Variants in HNRNPLL observed in about 807,000 individuals in gnomAD.
The protein encoded by HNRNPLL is heterogeneous nuclear ribonucleoprotein L like.
HNRNPLL carries 25 observed loss-of-function variants against 67.1 expected under a neutral mutation model. The ratio of observed to expected loss-of-function variants is 0.37; its 90% confidence interval spans 0.27 to 0.52. The LOEUF is 0.52. Ranked by LOEUF, HNRNPLL falls within the 20% of genes least tolerant of loss-of-function variation. HNRNPLL has a pLI of 0.90. For synonymous variants in HNRNPLL, 267 were observed against 241.7 expected, an observed-to-expected ratio of 1.10 and a Z score of -0.97; for missense variants, 542 against 673.9, an observed-to-expected ratio of 0.80 and a Z score of 2.17.
chr2:38,566,135 G>A (rs1239890802), intron 12 of HNRNPLL: 5 of 962,424 alleles, frequency 5.2e-6, no homozygotes, highest in Non-Finnish European at 6.2e-6. Flanking sequence ...TCGGAAGGCG[G>A]AGGTGGGCAG....
At chr2:38,571,445 G>A (rs1467290029) in intron 8 of HNRNPLL, among the ~76,000 whole-genome samples, 4 of 152,070 alleles carry the variant, frequency 2.6e-5, no homozygotes, top group African/African-American at 7.2e-5. Flanking sequence ...ATCTATTGAC[G>A]TCTAAAGAAT....
In HNRNPLL at chr2:38,563,710, A is replaced by G. The variant is rs1348183923; in HGVS notation, c.*472T>C. 6.5e-6 allele frequency: 1 copy of G among 153,764 alleles called. No individual in the cohort carries two copies. The highest frequency in any genetic ancestry group is 6.5e-5 in the Admixed American group (1 of 15,348). 9.5% of individuals were successfully genotyped at this position (153,764 alleles called of 1,614,324 possible). On this transcript the variant is annotated 3_prime_UTR_variant, in exon 13 of 13. Transcript: ENST00000449105. ...CTTAAAATTCAACATATGTAACGTT[A>G]TTCTCAAACTTCATTAAAATAATAA...
intron 1 of HNRNPLL, chr2:38,602,164 C>A (rs1667466226): frequency 4.9e-6 from 2 of 406,004 alleles, no homozygotes; most frequent in Non-Finnish European, 8.8e-6. Flanking sequence ...GACGCCTCCC[C>A]GCCGCCGCCG....
intron 8 of HNRNPLL, among the ~76,000 whole-genome samples, chr2:38,572,831 C>T (rs1666145499): frequency 1.3e-5 from 2 of 151,886 alleles, no homozygotes; most frequent in African/African-American, 4.8e-5. Flanking sequence ...TCTGGCTAGG[C>T]TCCGAAGCTT....
intron 12 of HNRNPLL, among the ~76,000 whole-genome samples, chr2:38,565,008 AC>A (rs67368941): frequency 0.065 from 9,845 of 150,846 alleles, 328 homozygotes; most frequent in East Asian, 0.086. Context: ...AAAAAAAAAA[AC>A]AAACCAACTG....
chr2:38,580,344 T>G (rs1269001673), intron 6 of HNRNPLL, among the ~76,000 whole-genome samples: 1 of 152,212 alleles, frequency 6.6e-6, no homozygotes, highest in Non-Finnish European at 1.5e-5. Context: ...TAGCCAAAGC[T>G]GCATTACAAA....
At chr2:38,580,177 C>T (rs930566801) in intron 6 of HNRNPLL, among the ~76,000 whole-genome samples, 4 of 151,978 alleles carry the variant, frequency 2.6e-5, no homozygotes, top group East Asian at 1.9e-4. Flanking sequence ...AAAACAAAAC[C>T]GAGTGGTCAA....
In HNRNPLL at chr2:38,563,800, ATTCTAT is replaced by A. The variant is rs1487271438; in HGVS notation, c.*376_*381del. 6.3e-6 allele frequency: 1 copy of A among 159,040 alleles called. No individual in the cohort carries two copies. Among genetic ancestry groups the A allele is most frequent in the Non-Finnish European group, 1.4e-5 (1 of 72,748 alleles). The allele number at this position is 159,040 out of a possible 1,614,324, so 9.9% of individuals were successfully genotyped here. ...TTAAACATCTAAACATATAATAGGA[ATTCTAT>A]ATTAAAATGCAATACTTTCACCTGC... On this transcript the variant is annotated 3_prime_UTR_variant, in exon 13 of 13. Transcript: ENST00000449105.
intron 6 of HNRNPLL, among the ~76,000 whole-genome samples, chr2:38,578,353 ACCT>A (rs1373258692): frequency 1.3e-5 from 2 of 151,958 alleles, no homozygotes; most frequent in African/African-American, 4.8e-5. Context: ...CTAAAATAGC[ACCT>A]CCTATGTTAG....
At chr2:38,581,839 G>A (rs1240835015) in intron 6 of HNRNPLL, 74 bp downstream of exon 6, 2 of 965,246 alleles carry the variant, frequency 2.1e-6, no homozygotes, top group African/African-American at 3.2e-5. Context: ...GCTCATCTCA[G>A]GAAAAAAGAA....
In HNRNPLL at chr2:38,568,369, A is replaced by C; in HGVS notation, c.1474+17T>G. 6.2e-7 allele frequency: 1 copy of C among 1,608,202 alleles called. No homozygotes were observed. The highest frequency in any genetic ancestry group is 2.2e-5 in the East Asian group (1 of 44,808). On this transcript the variant is annotated intron_variant, in intron 11 of 12. Transcript: ENST00000449105. ...CAACTTAACCAGAAAGCTTTAAAAGAGGGACTGTTCACTTACGTTTTGCAT... is the reference window on the plus strand; with the variant it reads ...CAACTTAACCAGAAAGCTTTAAAAGCGGGACTGTTCACTTACGTTTTGCAT...
Position 38,569,853 on chromosome 2 carries a change from C to T in HNRNPLL, c.1165G>A (p.Val389Ile). The stretch of plus-strand genomic sequence containing the variant: ...AATTTGACATTATTAAGGTGTGTGA[C>T]AGCTCTTTCTACAGCATACTCATCA... The part of the protein sequence containing the change: ...MGDEYAVERA[V>I]THLNNVKLFG... Residue 389 changes from valine to isoleucine, a missense_variant, in exon 9 of 13, where the codon GTC becomes ATC. Physicochemically the swap from Val to Ile is conservative, Grantham distance 29 (BLOSUM62 3). Around this residue, in one of 2 missense-constraint regions of HNRNPLL, gnomAD observed 415 missense variants for 575.2 expected, o/e 0.72. Transcript: ENST00000449105. 6.5e-7 allele frequency: 1 copy of T among 1,535,922 alleles called. No homozygotes were observed. Among genetic ancestry groups the T allele is most frequent in the African/African-American group, 1.4e-5 (1 of 73,396 alleles).
intron 12 of HNRNPLL, among the ~76,000 whole-genome samples, chr2:38,567,222 C>T (rs1254363805): frequency 6.6e-6 from 1 of 152,194 alleles, no homozygotes; most frequent in African/African-American, 2.4e-5. Context: ...CCTGCCTCAG[C>T]CTCCCAAGTA....
chr2:38,567,254 C>T (rs1462179397), intron 12 of HNRNPLL, among the ~76,000 whole-genome samples: 1 of 151,950 alleles, frequency 6.6e-6, no homozygotes, highest in Non-Finnish European at 1.5e-5. Flanking sequence ...AAGTGTGTGC[C>T]ACCACGCCAG....
intron 12 of HNRNPLL, among the ~76,000 whole-genome samples, chr2:38,567,049 T>C (rs1038742969): frequency 7.9e-5 from 12 of 152,006 alleles, no homozygotes; most frequent in African/African-American, 1.2e-4. Flanking sequence ...CTCCAAGATA[T>C]AGTAAGTGAA....
Position 38,602,297 on chromosome 2 carries a change from C to G in HNRNPLL, c.189+141G>C, listed in dbSNP as rs1253789979. The G allele has an allele frequency of 5.3e-6, 4 of 761,362 alleles. No individual in the cohort carries two copies. In the Admixed American group the frequency reaches 9.5e-5, roughly 18 times the overall value. The allele number at this position is 761,362 out of a possible 1,614,324, so 47.2% of individuals were successfully genotyped here. On this transcript the variant is annotated intron_variant, in intron 1 of 12. Transcript: ENST00000449105. ...ACAGGTAGAGGCCAGAATACGAGCC[C>G]CAAAGAGAAGAGTGGGCGCTTCCCC...
At chr2:38,582,920 C>T (rs1666591024) in intron 4 of HNRNPLL, among the ~76,000 whole-genome samples, 1 of 151,676 alleles carries the variant, frequency 6.6e-6, no homozygotes, top group East Asian at 1.9e-4. Context: ...CATAATACAA[C>T]CGAACTATCT....
Position 38,573,369 on chromosome 2 carries a change from T to C in HNRNPLL, c.933A>G (p.Thr311=). ...PSRYRMGSRD[T]PELVAYPLPQ... Reference sequence around the variant, plus strand: ...GTAATGGATAAGCAACAAGTTCAGGTGTATCTCGAGAGCCCATTCTGTAAC... The same window carrying C: ...GTAATGGATAAGCAACAAGTTCAGGCGTATCTCGAGAGCCCATTCTGTAAC... The change falls in exon 8 of 13, where the codon ACA becomes ACG. Residue 311 remains threonine, a synonymous_variant. Coordinates refer to ENST00000449105, the MANE Select transcript of HNRNPLL (RefSeq NM_138394.4). 6.2e-7 allele frequency: 1 copy of C among 1,612,572 alleles called. No individual in the cohort carries two copies. The highest frequency in any genetic ancestry group is 8.5e-7 in the Non-Finnish European group (1 of 1,179,146).
Position 38,568,178 on chromosome 2 carries a change from CAAAT to C in HNRNPLL, c.1573+17_1573+20del, listed in dbSNP as rs747172953. ...TAACTGCCACTACATAATTACAACA[CAAAT>C]AAAGCATTTTACTTACTCGGCACTC... On this transcript the variant is annotated intron_variant, in intron 12 of 12. Coordinates refer to ENST00000449105, the MANE Select transcript of HNRNPLL (RefSeq NM_138394.4). 5.4e-6 allele frequency: 8 copies of C among 1,485,152 alleles called. No homozygotes were observed. In the African/African-American group the frequency reaches 8.3e-5, roughly 15 times the overall value. The allele number at this position is 1,485,152 out of a possible 1,614,324, so 92.0% of individuals were successfully genotyped here.
Sources: gnomAD v4.1 joint callset for allele counts (sites outside exome capture counted in the v4.1 genomes callset) on GRCh38, gnomAD v4.1.1 for gene constraint, gnomAD v4.1.1 regional missense constraint, MANE v1.5 for transcripts, NCBI Gene and HGNC (gene_info 2026-07-23, HGNC 2026-07-21) for gene names.